HEXD: variants seen among roughly 807,000 people sequenced by gnomAD.
HEXD encodes the protein N-acetyl-beta-galactosaminidase.
A neutral mutation model predicts 54.2 loss-of-function variants in HEXD; 47 were observed. The ratio of observed to expected loss-of-function variants is 0.87; its 90% CI spans 0.69 to 1.11. The LOEUF is 1.11. Among genes scored for constraint, HEXD ranks in the 50% least tolerant of loss-of-function variants. The probability of loss-of-function intolerance (pLI) is 0.00; values close to 1 mark genes in which losing one functional copy is unlikely to be tolerated. For missense variants in HEXD, 576 were observed against 649.2 expected, an observed-to-expected ratio of 0.89 and a Z score of 1.23; for synonymous variants, 293 against 287.6, an observed-to-expected ratio of 1.02 and a Z score of -0.19.
intron 4 of HEXD, among the ~76,000 whole-genome samples, chr17:82,431,385 T>C (rs2143511289): frequency 6.6e-6 from 1 of 151,932 alleles, no homozygotes; most frequent in South Asian, 2.1e-4. Context: ...GGTCTCAAAC[T>C]TCTGGGCTCA....
In HEXD at chr17:82,437,260, C is replaced by T. The variant is rs562583332; in HGVS notation, c.796C>T (p.Pro266Ser). Residue 266 changes from proline to serine, a missense_variant, in exon 8 of 13, where the codon CCC (proline) becomes TCC (serine). Physicochemically the swap from Pro to Ser is moderately conservative, Grantham distance 74. Coordinates refer to ENST00000327949, the MANE Select transcript of HEXD (RefSeq NM_001330542.2). ...TGCCACGGGGCCCAGCCAGGCCGTG[C>T]CCCCTGTTGAGCACCACCTCAGGAA... Reference protein sequence around the residue: ...KGATGPSQAVPPVEHHLRNHV... With the variant: ...KGATGPSQAVSPVEHHLRNHV... 118 of 1,611,832 alleles carry T rather than the reference C, an allele frequency of 7.3e-5. No individual in the cohort carries two copies. Among genetic ancestry groups the T allele is most frequent in the Non-Finnish European group, 7.5e-5 (88 of 1,179,302 alleles).
At chr17:82,422,637 C>T (rs1022287553) in intron 2 of HEXD, among the ~76,000 whole-genome samples, 2 of 152,112 alleles carry the variant, frequency 1.3e-5, no homozygotes, top group African/African-American at 4.8e-5. Flanking sequence ...AGTGAGTAGA[C>T]ACCATGGAAA....
intron 8 of HEXD, among the ~76,000 whole-genome samples, chr17:82,438,198 G>A (rs1046153358): frequency 6.6e-6 from 1 of 151,684 alleles, no homozygotes; most frequent in Non-Finnish European, 1.5e-5. Context: ...AGATCACACC[G>A]CTGCACTCCA....
chr17:82,436,571 T>G (rs1307278913), intron 6 of HEXD, 96 bp from the exon 7 acceptor site: 3 of 966,386 alleles, frequency 3.1e-6, no homozygotes, highest in Non-Finnish European at 4.7e-6. Flanking sequence ...AAGGTATCTG[T>G]GCTCACACTT....
Position 82,440,428 on chromosome 17 carries a change from G to A in HEXD, c.983-569G>A, listed in dbSNP as rs1407857100. On this transcript the variant is annotated intron_variant, in intron 9 of 12. Transcript: ENST00000327949. ...AGAAACGATAAAAACAGACACCCCT[G>A]TACCCCACACTAAAGAGCTGTGTTA... 10 of 733,610 alleles carry A rather than the reference G, an allele frequency of 1.4e-5. No homozygotes were observed. The South Asian group carries it at 1.8e-4, about 13-fold the overall frequency. 45.4% of individuals were successfully genotyped at this position (733,610 alleles called of 1,614,324 possible). A position where few individuals can be genotyped will look rare whatever the true frequency, so the allele number is the denominator to read the frequency against.
chr17:82,430,217 C>T (rs1167205342), intron 4 of HEXD, among the ~76,000 whole-genome samples: 1 of 152,216 alleles, frequency 6.6e-6, no homozygotes, highest in Non-Finnish European at 1.5e-5. Context: ...CTCGCCATCT[C>T]CTCAAAGGAC....
At chr17:82,429,182 C>G (rs1400487758) in intron 4 of HEXD, among the ~76,000 whole-genome samples, 1 of 152,056 alleles carries the variant, frequency 6.6e-6, no homozygotes, top group Non-Finnish European at 1.5e-5. Flanking sequence ...ATCACTTGAA[C>G]GCAGGAGGCA....
rs185908737 is a variant in HEXD, at chr17:82,440,368, C to T, written c.983-629C>T. 4.2e-6 allele frequency: 5 copies of T among 1,183,636 alleles called. No individual in the cohort carries two copies. The East Asian group carries it at 2.9e-4, about 69-fold the overall frequency. 73.3% of individuals were successfully genotyped at this position (1,183,636 alleles called of 1,614,324 possible). On this transcript the variant is annotated intron_variant, in intron 9 of 12. Coordinates refer to ENST00000327949, the MANE Select transcript of HEXD (RefSeq NM_001330542.2). ...ACGCAGAATGAGATCAGATTGACTTCTCAGTTGCTGACTCTCAACTGCTTA... is the reference window on the plus strand; with the variant it reads ...ACGCAGAATGAGATCAGATTGACTTTTCAGTTGCTGACTCTCAACTGCTTA...
At position 82,442,463 on chromosome 17, in the gene HEXD, C is replaced by T. The variant is rs1320180972; in HGVS notation, c.*79C>T. On this transcript the variant is annotated 3_prime_UTR_variant, in exon 13 of 13. Coordinates refer to ENST00000327949, the MANE Select transcript of HEXD (RefSeq NM_001330542.2). The surrounding 1 kb of genome is among the most constrained non-coding windows in gnomAD (Gnocchi z 6.8). ...GCCAAATGGCCTGGGCAATACGGGC[C>T]CACGTGGGCGTCGTGCCCTCTGGCC... The T allele has an allele frequency of 1.9e-6, 3 of 1,608,094 alleles. No individual in the cohort carries two copies. The highest frequency in any genetic ancestry group is 2.6e-6 in the Non-Finnish European group (3 of 1,175,872).
intron 8 of HEXD, among the ~76,000 whole-genome samples, chr17:82,438,217 G>A (rs1276982395): frequency 3.3e-5 from 5 of 151,768 alleles, no homozygotes; most frequent in Admixed American, 1.3e-4. Context: ...CAGCCTGGGC[G>A]ACAGAGCAAA....
In HEXD at chr17:82,419,774, C is replaced by G; in HGVS notation, c.-26C>G. 6.7e-7 allele frequency: 1 copy of G among 1,494,420 alleles called. No individual in the cohort carries two copies. The highest frequency in any genetic ancestry group is 2.3e-5 in the East Asian group (1 of 43,858). 92.6% of individuals were successfully genotyped at this position (1,494,420 alleles called of 1,614,324 possible). On this transcript the variant is annotated 5_prime_UTR_variant, in exon 2 of 13. Transcript: ENST00000327949. ...GAAGAAGTCCCCAAGGAGACTTCGCCATAGGAGTTCACAGGAAATATTGAA... is the reference window on the plus strand; with the variant it reads ...GAAGAAGTCCCCAAGGAGACTTCGCGATAGGAGTTCACAGGAAATATTGAA...
In HEXD at chr17:82,436,738, G is replaced by A; in HGVS notation, c.703G>A (p.Val235Ile). ...GGCCGACCTGGATGTGCACGGCAAG[G>A]GTCAGTGCCAAGTTGTGGGGGGTGT... ...YTADLDVHGKVLLMQKYRRCG... is the reference protein window; with the variant it reads ...YTADLDVHGKILLMQKYRRCG... The change falls in exon 7 of 13, where the codon GTC (valine) becomes ATC (isoleucine). Residue 235 changes from valine (V) to isoleucine (I), a missense_variant and splice_region_variant. Physicochemically the swap from Val to Ile is conservative, Grantham distance 29. Coordinates refer to ENST00000327949, the MANE Select transcript of HEXD (RefSeq NM_001330542.2). 1.2e-6 allele frequency: 2 copies of A among 1,611,568 alleles called. No individual in the cohort carries two copies. Among genetic ancestry groups the A allele is most frequent in the Non-Finnish European group, 8.5e-7 (1 of 1,179,112 alleles).
chr17:82,424,502 A>G lies in HEXD; in HGVS notation c.193A>G (p.Ser65Gly). The G allele has an allele frequency of 6.2e-7, 1 of 1,605,868 alleles. No individual in the cohort carries two copies. The part of the protein sequence containing the change: ...LRLLRAKYAY[S>G]PSEIKEILHL... ...GCTGCTGAGGGCCAAGTACGCCTAC[A>G]GGTAACACTGCCCGTGGCAGGTACA... The change falls in exon 3 of 13, where the codon AGC becomes GGC. Residue 65 changes from serine to glycine, a missense_variant and splice_region_variant. Ser to Gly is a moderately conservative substitution (Grantham distance 56). Transcript: ENST00000327949.
chr17:82,421,996 G>A (rs1370557050), intron 2 of HEXD, among the ~76,000 whole-genome samples: 3 of 151,920 alleles, frequency 2.0e-5, no homozygotes, highest in Admixed American at 2.0e-4. Flanking sequence ...CCAACACAGT[G>A]TCTCTACTAA....
At position 82,424,423 on chromosome 17, in the gene HEXD, A is replaced by G; in HGVS notation, c.114A>G (p.Ala38=). Reference sequence around the variant, plus strand: ...TTCCTCTGTTCCGTGCGCTAGGTGCAAACGGCCTCCTCATTGAGTATGAAG... The same window carrying G: ...TTCCTCTGTTCCGTGCGCTAGGTGCGAACGGCCTCCTCATTGAGTATGAAG... ...EIFPLFRALG[A]NGLLIEYEDM... Residue 38 remains alanine (A), a synonymous_variant, in exon 3 of 13, where the codon GCA becomes GCG. Transcript: ENST00000327949. The G allele has an allele frequency of 6.2e-7, 1 of 1,614,104 alleles. No individual in the cohort carries two copies. The highest frequency in any genetic ancestry group is 8.5e-7 in the Non-Finnish European group (1 of 1,179,966).
chr17:82,422,621 T>G (rs2053268900), intron 2 of HEXD, among the ~76,000 whole-genome samples: 1 of 151,974 alleles, frequency 6.6e-6, no homozygotes, highest in Admixed American at 6.6e-5. Context: ...CTATAAGAAG[T>G]GTACAAGTGA....
chr17:82,425,475 C>T (rs1599726277), intron 3 of HEXD: 2 of 154,306 alleles, frequency 1.3e-5, no homozygotes, highest in East Asian at 3.8e-4. Flanking sequence ...ACAGTTGAGC[C>T]TTGAGTTAGA....
Position 82,434,767 on chromosome 17 carries a change from G to T in HEXD, c.448-922G>T, listed in dbSNP as rs980169491. ...GCACGAGAATCGCTTGAACCCAGGA[G>T]GTGAAGGTTGCAGTGAGCTGAGATC... On this transcript the variant is annotated intron_variant, in intron 5 of 12. Transcript: ENST00000327949. This position sits in a 1 kb window ranked among gnomAD's most constrained non-coding sequence, Gnocchi z 4.5. Among the ~76,000 whole-genome samples the T allele has an allele frequency of 1.1e-4, 16 of 152,000 alleles. No homozygotes were observed. Among genetic ancestry groups the T allele is most frequent in the Non-Finnish European group, 2.1e-4 (14 of 68,006 alleles).
rs533705925 is a variant in HEXD, at chr17:82,422,725, G to A, written c.85-1669G>A. On this transcript the variant is annotated intron_variant, in intron 2 of 12. Coordinates refer to ENST00000327949, the MANE Select transcript of HEXD (RefSeq NM_001330542.2). ...AAGGCGTTCTGACAAATTGAATATG[G>A]CAAAGAAGACTGAACTTACATACAG... Among the ~76,000 whole-genome samples the A allele has an allele frequency of 9.2e-5, 14 of 152,254 alleles. No individual in the cohort carries two copies. The South Asian group carries it at 2.9e-3, about 32-fold the overall frequency.
Sources: allele counts gnomAD v4.1 joint callset (sites outside exome capture counted in the v4.1 genomes callset), GRCh38; gene constraint gnomAD v4.1.1; non-coding constraint Gnocchi (gnomAD v3.1); transcripts MANE v1.5; gene names NCBI Gene and HGNC (gene_info 2026-07-23, HGNC 2026-07-21).